Variants in NOL4 observed in about 807,000 individuals in gnomAD.
NOL4 encodes the protein nucleolar protein 4.
In NOL4, 17 loss-of-function variants were observed where a neutral mutation model predicts 75.9. The observed-to-expected ratio is 0.22, with a 90% CI of 0.15 to 0.34. The LOEUF (loss-of-function observed/expected upper bound fraction) is 0.34. Among genes scored for constraint, NOL4 ranks in the 10% least tolerant of loss-of-function variants. The pLI is 1.00. For missense variants in NOL4, 614 were observed against 793.5 expected (o/e 0.77, Z 2.72); for synonymous variants, 292 against 289.9 (o/e 1.01, Z -0.07).
chr18:34,157,037 TG>T (rs1260830799), intron 1 of NOL4: 4 of 152,188 alleles, frequency 2.6e-5, no homozygotes, highest in Admixed American at 2.6e-4. Context: ...CTGCCTGACA[TG>T]TTTTTTTTCT....
intron 5 of NOL4, among the ~76,000 whole-genome samples, chr18:34,044,981 T>C (rs1428482330): frequency 2.6e-5 from 4 of 152,182 alleles, no homozygotes; most frequent in African/African-American, 9.6e-5. Context: ...AGACTGAGTG[T>C]TTTTATGAAA....
chr18:34,083,984 C>T (rs1483719664), intron 5 of NOL4, among the ~76,000 whole-genome samples: 1 of 152,132 alleles, frequency 6.6e-6, no homozygotes, highest in African/African-American at 2.4e-5. Flanking sequence ...CCCTCTTGCC[C>T]CTGGAGGTAT....
At chr18:33,928,011 T>C (rs2067449322) in intron 9 of NOL4, among the ~76,000 whole-genome samples, 1 of 152,154 alleles carries the variant, frequency 6.6e-6, no homozygotes, top group Admixed American at 6.5e-5. Context: ...TCACAGTAAC[T>C]AATGGGTTTT....
intron 1 of NOL4, among the ~76,000 whole-genome samples, chr18:34,213,104 C>T (rs901399975): frequency 3.7e-4 from 56 of 152,026 alleles, no homozygotes; most frequent in African/African-American, 1.3e-3. Context: ...GGATTCTGAC[C>T]ACCACAATGT....
intron 5 of NOL4, among the ~76,000 whole-genome samples, chr18:34,039,148 A>G (rs1240627152): frequency 6.6e-6 from 1 of 152,032 alleles, no homozygotes; most frequent in Non-Finnish European, 1.5e-5. Context: ...ACAATTTTGG[A>G]TATTCTTTTC....
chr18:34,087,784 C>T (rs534576778), intron 5 of NOL4, among the ~76,000 whole-genome samples: 1 of 151,796 alleles, frequency 6.6e-6, no homozygotes, highest in Non-Finnish European at 1.5e-5. Flanking sequence ...AATATGCTTC[C>T]TATTTTTGGT....
chr18:34,089,369 T>C (rs920393133), intron 5 of NOL4, among the ~76,000 whole-genome samples: 1 of 152,214 alleles, frequency 6.6e-6, no homozygotes, highest in Non-Finnish European at 1.5e-5. Context: ...GAATTTCTTC[T>C]ATAGTTTTTC....
At chr18:34,173,167 G>T (rs540216852) in intron 1 of NOL4, among the ~76,000 whole-genome samples, 7 of 152,190 alleles carry the variant, frequency 4.6e-5, no homozygotes, top group Non-Finnish European at 1.0e-4. Context: ...AATACTGAAT[G>T]ATTTTACTAA....
At chr18:33,915,602 T>A (rs143883465) in intron 9 of NOL4, among the ~76,000 whole-genome samples, 7 of 152,162 alleles carry the variant, frequency 4.6e-5, no homozygotes, top group Non-Finnish European at 1.0e-4. Context: ...GAAATGCTCA[T>A]CCTAAATAAG....
intron 5 of NOL4, among the ~76,000 whole-genome samples, chr18:34,037,611 A>G (rs554738341): frequency 1.4e-4 from 22 of 152,134 alleles, no homozygotes; most frequent in Admixed American, 2.6e-4. Context: ...ATAAATCTTT[A>G]TATTTACACC....
At chr18:34,168,267 A>C (rs2032636736) in intron 1 of NOL4, among the ~76,000 whole-genome samples, 1 of 152,000 alleles carries the variant, frequency 6.6e-6, no homozygotes, top group Admixed American at 6.6e-5. Context: ...ATAAAACTGC[A>C]CATTTCTCAA....
intron 1 of NOL4, among the ~76,000 whole-genome samples, chr18:34,131,130 T>C (rs1401020525): frequency 6.6e-6 from 1 of 150,722 alleles, no homozygotes; most frequent in East Asian, 2.0e-4. Flanking sequence ...GTGATATAAT[T>C]TGAAGTAACA....
intron 8 of NOL4, among the ~76,000 whole-genome samples, chr18:33,953,869 G>A (rs975490048): frequency 6.6e-6 from 1 of 152,094 alleles, no homozygotes; most frequent in Non-Finnish European, 1.5e-5. Flanking sequence ...TACAGTACGT[G>A]GCTAAACACG....
intron 9 of NOL4, among the ~76,000 whole-genome samples, chr18:33,917,473 A>T (rs745774731): frequency 1.3e-5 from 2 of 152,076 alleles, no homozygotes; most frequent in Non-Finnish European, 2.9e-5. Context: ...GATCGTCTTA[A>T]ACTCTATAGA....
intron 1 of NOL4, among the ~76,000 whole-genome samples, chr18:34,138,009 C>A (rs962554041): frequency 6.6e-6 from 1 of 152,002 alleles, no homozygotes; most frequent in Non-Finnish European, 1.5e-5. Context: ...CTGATTCATC[C>A]ATGGATAAAC....
intron 9 of NOL4, among the ~76,000 whole-genome samples, chr18:33,910,274 T>C (rs2066315506): frequency 6.6e-6 from 1 of 152,198 alleles, no homozygotes; most frequent in Non-Finnish European, 1.5e-5. Context: ...GTATACCCAC[T>C]GTGAACTTAA....
chr18:33,949,677 T>A (rs1331714057), intron 8 of NOL4, among the ~76,000 whole-genome samples: 1 of 152,124 alleles, frequency 6.6e-6, no homozygotes, highest in Non-Finnish European at 1.5e-5. Context: ...AAAAGGAGTT[T>A]GAAAGTGTGT....
intron 2 of NOL4, among the ~76,000 whole-genome samples, chr18:34,128,418 A>T (rs997204747): frequency 6.6e-6 from 1 of 151,926 alleles, no homozygotes; most frequent in Admixed American, 6.6e-5. Context: ...TTATTATAAG[A>T]TTACACAGTT....
At chr18:33,860,546 A>G (rs956961525) in intron 10 of NOL4, among the ~76,000 whole-genome samples, 2 of 152,132 alleles carry the variant, frequency 1.3e-5, no homozygotes, top group African/African-American at 2.4e-5. Context: ...GAAACAATGG[A>G]GTTTTCTAGA....
Sources: gnomAD v4.1 joint callset for allele counts (sites outside exome capture counted in the v4.1 genomes callset) on GRCh38, gnomAD v4.1.1 for gene constraint, MANE v1.5 for transcripts, NCBI Gene and HGNC (gene_info 2026-07-23, HGNC 2026-07-21) for gene names.